Variants in TRAK1 observed in about 807,000 individuals in gnomAD.
The protein encoded by TRAK1 is trafficking kinesin protein 1.
In TRAK1, 33 loss-of-function variants were observed where a neutral mutation model predicts 92.1. The observed-to-expected ratio is 0.36, with a 90% CI of 0.27 to 0.48. The LOEUF (loss-of-function observed/expected upper bound fraction) is 0.48. TRAK1 is among the 20% of genes least tolerant of loss of function. TRAK1 has a pLI of 0.99. For synonymous variants in TRAK1, 521 were observed against 517.3 expected (o/e 1.01, Z -0.10); for missense variants, 1,123 against 1,257.9 (o/e 0.89, Z 1.62).
intron 2 of TRAK1, among the ~76,000 whole-genome samples, chr3:42,165,446 T>G (rs1701743589): frequency 6.6e-6 from 1 of 152,210 alleles, no homozygotes; most frequent in Non-Finnish European, 1.5e-5. Flanking sequence ...CAGGCGAAGC[T>G]GGAGATTCAG....
chr3:42,182,025 ACTC>A (rs1276283877), intron 3 of TRAK1, among the ~76,000 whole-genome samples: 2 of 146,220 alleles, frequency 1.4e-5, no homozygotes, highest in Non-Finnish European at 3.0e-5. Flanking sequence ...CTGGTCTTGA[ACTC>A]CTGTGCTCAG....
intron 10 of TRAK1, among the ~76,000 whole-genome samples, chr3:42,196,968 T>G: frequency 7.6e-6 from 1 of 131,542 alleles, no homozygotes; most frequent in African/African-American, 2.8e-5. Context: ...TCTCTCTCTC[T>G]CTCTCTCTTT....
At chr3:42,147,997 C>G (rs1699527441) in intron 2 of TRAK1, among the ~76,000 whole-genome samples, 1 of 150,646 alleles carries the variant, frequency 6.6e-6, no homozygotes, top group Non-Finnish European at 1.5e-5. Flanking sequence ...ATTTTACACA[C>G]AGAAGCAGAC....
chr3:42,019,115 A>G (rs1398491180), intron 1 of TRAK1, among the ~76,000 whole-genome samples: 1 of 152,128 alleles, frequency 6.6e-6, no homozygotes, highest in East Asian at 1.9e-4. Context: ...AGTATTAAAA[A>G]AGAAAAAGAA....
intron 2 of TRAK1, among the ~76,000 whole-genome samples, chr3:42,127,171 T>A (rs923451920): frequency 2.6e-5 from 4 of 152,178 alleles, no homozygotes; most frequent in African/African-American, 9.6e-5. Flanking sequence ...TTTGCTTTTT[T>A]CAGACTGTAG....
intron 1 of TRAK1, among the ~76,000 whole-genome samples, chr3:42,093,614 T>C (rs557514477): frequency 1.4e-5 from 2 of 144,894 alleles, no homozygotes; most frequent in South Asian, 4.7e-4. Context: ...CCTGTCCTCT[T>C]TTCTCTCCCC....
chr3:42,161,553 T>C (rs1455040134), intron 2 of TRAK1, among the ~76,000 whole-genome samples: 9 of 152,238 alleles, frequency 5.9e-5, no homozygotes, highest in South Asian at 2.1e-4. Flanking sequence ...CCAGCTAATT[T>C]TTAAAATTTT....
intron 13 of TRAK1, among the ~76,000 whole-genome samples, chr3:42,205,349 T>A (rs995052204): frequency 2.6e-5 from 4 of 151,854 alleles, no homozygotes; most frequent in African/African-American, 7.3e-5. Context: ...TGGGGTGAGG[T>A]CCCTAGAGAC....
At chr3:42,112,811 C>T (rs964592327) in intron 1 of TRAK1, among the ~76,000 whole-genome samples, 3 of 151,822 alleles carry the variant, frequency 2.0e-5, no homozygotes, top group African/African-American at 7.3e-5. Context: ...CTTGCTATCT[C>T]CTAGGCTGGA....
rs1054661293 is a variant in TRAK1, at chr3:42,027,635, A to C, written c.-519+13518A>C. ...TTTTAAACATTATTTAGTTGTAGAA[A>C]ATATTTTTTAAAAAGCCCCAAACCT... On this transcript the variant is annotated intron_variant, in intron 1 of 16. Transcript: ENST00000487159. 1.2e-4 allele frequency among the ~76,000 whole-genome samples: 18 copies of C among 152,224 alleles called. 1 individual carries two copies. The highest frequency in any genetic ancestry group is 6.5e-4 in the Admixed American group (10 of 15,280).
chr3:42,070,070 T>C (rs1200152841), intron 1 of TRAK1, among the ~76,000 whole-genome samples: 2 of 151,874 alleles, frequency 1.3e-5, no homozygotes, highest in Non-Finnish European at 2.9e-5. Context: ...CAGGCTGGTC[T>C]CAAACTCTGG....
intron 11 of TRAK1, among the ~76,000 whole-genome samples, chr3:42,200,451 G>A (rs1284732194): frequency 6.6e-6 from 1 of 152,196 alleles, no homozygotes; most frequent in African/African-American, 2.4e-5. Context: ...CTGCCCTGCT[G>A]CAGCGTTTAT....
intron 1 of TRAK1, among the ~76,000 whole-genome samples, chr3:42,021,765 C>T (rs771320028): frequency 2.0e-5 from 3 of 152,052 alleles, no homozygotes; most frequent in Non-Finnish European, 4.4e-5. Context: ...TTAGTAGAGA[C>T]GGGTTTTACT....
At chr3:42,138,911 G>A (rs896579229) in intron 2 of TRAK1, among the ~76,000 whole-genome samples, 6 of 150,718 alleles carry the variant, frequency 4.0e-5, no homozygotes, top group Admixed American at 6.6e-5. Context: ...GTGTGTGTGT[G>A]TGTGTGTGTG....
intron 2 of TRAK1, among the ~76,000 whole-genome samples, chr3:42,158,965 A>G (rs1047189655): frequency 4.5e-5 from 1 of 22,050 alleles, no homozygotes; most frequent in Non-Finnish European, 1.2e-4. Flanking sequence ...TCTCAAAAAT[A>G]ATAATAATAA....
rs376851043 is a variant in TRAK1, at chr3:42,223,731, A to G, written c.2856A>G (p.Leu952=). The G allele has an allele frequency of 2.6e-4, 414 of 1,602,290 alleles. 1 individual carries two copies. Among genetic ancestry groups the G allele is most frequent in the Middle Eastern group, 2.2e-3 (13 of 6,028 alleles). ...MGAKLSKQTS[L]R is the part of the protein sequence containing the mutation. ...CTAAGCTCTCCAAACAAACTAGCTT[A>G]CGGTGAGGACTGGAGGGGGGCCGGT... The change falls in exon 16 of 16, where the codon TTA becomes TTG. Residue 952 remains leucine, a synonymous_variant. Coordinates refer to ENST00000327628, the MANE Select transcript of TRAK1 (RefSeq NM_001042646.3). This position sits in a 1 kb window ranked among gnomAD's most constrained non-coding sequence, Gnocchi z 6.1.
chr3:42,043,938 CAA>C (rs1249741723), intron 1 of TRAK1, among the ~76,000 whole-genome samples: 2 of 152,170 alleles, frequency 1.3e-5, no homozygotes, highest in South Asian at 2.1e-4. Flanking sequence ...ATAAATAAAA[CAA>C]AATTATTTCT....
Position 42,184,790 on chromosome 3 carries a change from A to C in TRAK1, c.469A>C (p.Ile157Leu), listed in dbSNP as rs766947198. The C allele has an allele frequency of 6.2e-7, 1 of 1,613,768 alleles. No homozygotes were observed. Among genetic ancestry groups the C allele is most frequent in the South Asian group, 1.1e-5 (1 of 91,046 alleles). Residue 157 changes from isoleucine (I) to leucine (L), a missense_variant, in exon 4 of 16, where the codon ATC becomes CTC. Transcript: ENST00000327628. Reference sequence around the variant, plus strand: ...GCTGCTGGAGGAGCAGGTGGAACACATCAGGGAGGAGGTAAGACATTGGAG... The same window carrying C: ...GCTGCTGGAGGAGCAGGTGGAACACCTCAGGGAGGAGGTAAGACATTGGAG... ...NELLEEQVEH[I>L]REEVSQLRHE...
chr3:42,096,593 G>T (rs1192989043), intron 1 of TRAK1, among the ~76,000 whole-genome samples: 3 of 152,166 alleles, frequency 2.0e-5, no homozygotes, highest in Non-Finnish European at 2.9e-5. Context: ...ATGCCTTACC[G>T]TACTATAAAG....
Sources: allele counts gnomAD v4.1 joint callset (sites outside exome capture counted in the v4.1 genomes callset), GRCh38; gene constraint gnomAD v4.1.1; non-coding constraint Gnocchi (gnomAD v3.1); transcripts MANE v1.5; gene names NCBI Gene and HGNC (gene_info 2026-07-23, HGNC 2026-07-21).